Variants in MELK observed in about 807,000 individuals in gnomAD.
MELK encodes maternal embryonic leucine zipper kinase.
A neutral mutation model predicts 85.0 loss-of-function variants in MELK; 81 were observed. That is an observed-to-expected ratio of 0.95 (90% CI 0.80 to 1.15). The LOEUF is 1.15. Among genes scored for constraint, MELK ranks in the 50% most tolerant of loss-of-function variants. The probability of loss-of-function intolerance (pLI) is 0.00; values close to 1 mark genes in which losing one functional copy is unlikely to be tolerated. For missense variants in MELK, 754 were observed against 777.5 expected (o/e 0.97, Z 0.36); for synonymous variants, 252 against 265.0 (o/e 0.95, Z 0.48).
intron 5 of MELK, 74 bp downstream of exon 5, chr9:36,594,845 C>T: frequency 6.7e-7 from 1 of 1,500,314 alleles, no homozygotes; most frequent in Admixed American, 2.0e-5. Context: ...TACAAATGAT[C>T]TGATTAGGAA....
chr9:36,638,932 A>G (rs937667556), intron 10 of MELK, among the ~76,000 whole-genome samples: 7 of 152,206 alleles, frequency 4.6e-5, no homozygotes, highest in Non-Finnish European at 1.0e-4. Context: ...CTGGAATGGA[A>G]TGGATCTGAT....
chr9:36,638,083 C>T (rs1164460772), intron 10 of MELK, among the ~76,000 whole-genome samples: 1 of 152,128 alleles, frequency 6.6e-6, no homozygotes, highest in Non-Finnish European at 1.5e-5. Context: ...CATCATTTCT[C>T]CATGTGCGGA....
In MELK at chr9:36,633,102, G is replaced by T. The variant is rs751443564; in HGVS notation, c.736G>T (p.Val246Leu). 10 of 1,605,120 alleles carry T rather than the reference G, an allele frequency of 6.2e-6. No individual in the cohort carries two copies. In the South Asian group the frequency reaches 1.1e-4, roughly 18 times the overall value. Reference protein sequence around the residue: ...SILLLQQMLQVDPKKRISMKN... With the variant: ...SILLLQQMLQLDPKKRISMKN... ...CTAGCTACTTTTTAATGGCCACTAG[G>T]TGGACCCAAAGAAACGGATTTCTAT... Residue 246 changes from valine to leucine, a missense_variant and splice_region_variant, in exon 10 of 18, where the codon GTG becomes TTG. Transcript: ENST00000298048.
intron 5 of MELK, 38 bp downstream of exon 5, chr9:36,594,809 C>A: frequency 6.3e-7 from 1 of 1,576,544 alleles, no homozygotes; most frequent in South Asian, 1.2e-5. Flanking sequence ...TCACCTTCAG[C>A]GTCATTTACC....
intron 16 of MELK, among the ~76,000 whole-genome samples, chr9:36,672,618 G>T (rs1398635116): frequency 2.0e-5 from 3 of 152,074 alleles, no homozygotes; most frequent in East Asian, 3.9e-4. Flanking sequence ...CCAGCTTTGT[G>T]CTGTATAGCT....
At chr9:36,612,604 C>T (rs746570340) in intron 8 of MELK, among the ~76,000 whole-genome samples, 6 of 152,046 alleles carry the variant, frequency 3.9e-5, no homozygotes, top group Non-Finnish European at 8.8e-5. Flanking sequence ...AGGCTGGTCT[C>T]GAACTGACCT....
At position 36,641,284 on chromosome 9, in the gene MELK, C is replaced by T. The variant is rs150625657; in HGVS notation, c.835-1713C>T. 2.8e-3 allele frequency among the ~76,000 whole-genome samples: 426 copies of T among 152,260 alleles called. 1 individual carries two copies. Among genetic ancestry groups the T allele is most frequent in the African/African-American group, 9.7e-3 (404 of 41,544 alleles). ...TACTCTGTTGAGATGTTGTACTAGGCGCTTGCTCTATGTTGCATATATTGC... is the reference window on the plus strand; with the variant it reads ...TACTCTGTTGAGATGTTGTACTAGGTGCTTGCTCTATGTTGCATATATTGC... On this transcript the variant is annotated intron_variant, in intron 10 of 17. Coordinates refer to ENST00000298048, the MANE Select transcript of MELK (RefSeq NM_014791.4).
chr9:36,588,920 G>A (rs1369369669), intron 3 of MELK, among the ~76,000 whole-genome samples: 2 of 152,102 alleles, frequency 1.3e-5, no homozygotes, highest in African/African-American at 2.4e-5. Context: ...GGCTGAAAGT[G>A]GTAGCTCAGG....
Position 36,671,092 on chromosome 9 carries a change from T to C in MELK, c.1600T>C (p.Leu534=), listed in dbSNP as rs780493205. ...AGTGTTTGGGAGCCTTGAAAGGGGG[T>C]TGGATAAGGTTATCACTGTGCTCAC... ...AKVFGSLERG[L]DKVITVLTRS... The change falls in exon 16 of 18, where the codon TTG becomes CTG. Residue 534 remains leucine, a synonymous_variant. Transcript: ENST00000298048. 7.4e-6 allele frequency: 12 copies of C among 1,612,924 alleles called. No individual in the cohort carries two copies. The highest frequency in any genetic ancestry group is 1.7e-5 in the Admixed American group (1 of 59,870).
At chr9:36,633,577 G>A (rs916136467) in intron 10 of MELK, among the ~76,000 whole-genome samples, 4 of 152,120 alleles carry the variant, frequency 2.6e-5, no homozygotes, top group African/African-American at 7.2e-5. Context: ...GAAGTTATGA[G>A]GGTACAGTAG....
chr9:36,648,697 T>A (rs913311270), intron 11 of MELK, among the ~76,000 whole-genome samples: 1 of 152,190 alleles, frequency 6.6e-6, no homozygotes, highest in Non-Finnish European at 1.5e-5. Flanking sequence ...AAGATTTATC[T>A]CCAGGGAAAA....
intron 8 of MELK, among the ~76,000 whole-genome samples, chr9:36,612,936 A>G (rs977593021): frequency 1.3e-5 from 2 of 152,196 alleles, no homozygotes; most frequent in Non-Finnish European, 2.9e-5. Flanking sequence ...ATAACATTTA[A>G]CTAACATAGA....
At chr9:36,677,070 A>G (rs1477580192) in intron 17 of MELK, 90 bp from the exon 18 acceptor site, 3 of 1,125,376 alleles carry the variant, frequency 2.7e-6, no homozygotes, top group Non-Finnish European at 2.5e-6. Flanking sequence ...ATAATGGTTC[A>G]TTTCCTCCAC....
chr9:36,660,431 C>T (rs950893435), intron 13 of MELK, among the ~76,000 whole-genome samples: 2 of 152,050 alleles, frequency 1.3e-5, no homozygotes, highest in African/African-American at 4.8e-5. Flanking sequence ...AATTTTCTTG[C>T]CTCAGCCTCC....
chr9:36,589,757 T>TA, intron 4 of MELK, 105 bp downstream of exon 4: 2 of 797,464 alleles, frequency 2.5e-6, no homozygotes, highest in East Asian at 2.5e-5. Flanking sequence ...TTAAGCGACT[T>TA]ACCTGTTTTG....
chr9:36,589,474 T>C, intron 3 of MELK, 62 bp from the exon 4 acceptor site: 4 of 1,338,164 alleles, frequency 3.0e-6, no homozygotes, highest in Admixed American at 3.4e-5. Context: ...GCTGTTAGTA[T>C]TGGAGCTTGG....
rs1176722025 is a variant in MELK, at chr9:36,602,585, G to A, written c.567+3099G>A. Among the ~76,000 whole-genome samples the A allele has an allele frequency of 2.3e-5, 3 of 129,314 alleles. No homozygotes were observed. The Admixed American group carries it at 2.3e-4, about 10-fold the overall frequency. 84.8% of individuals were successfully genotyped at this position (129,314 alleles called of 152,430 possible). A position where few individuals can be genotyped will look rare whatever the true frequency, so the allele number is the denominator to read the frequency against. ...TTTTTTTTTTTTTTTTTGAGATGGAGTTTTGCTCTTGTTGACCAGGCTGGA... is the reference window on the plus strand; with the variant it reads ...TTTTTTTTTTTTTTTTTGAGATGGAATTTTGCTCTTGTTGACCAGGCTGGA... On this transcript the variant is annotated intron_variant, in intron 7 of 17. Coordinates refer to ENST00000298048, the MANE Select transcript of MELK (RefSeq NM_014791.4).
In MELK at chr9:36,590,063, AG is replaced by A. The variant is rs561424877; in HGVS notation, c.261+413del. Among the ~76,000 whole-genome samples the A allele has an allele frequency of 3.8e-3, 573 of 151,728 alleles. 5 individuals are homozygous for A. Among genetic ancestry groups the A allele is most frequent in the Middle Eastern group, 0.017 (5 of 294 alleles). On this transcript the variant is annotated intron_variant, in intron 4 of 17. Coordinates refer to ENST00000298048, the MANE Select transcript of MELK (RefSeq NM_014791.4). ...CAGCCTCCTGAGTAGCTGGGACTAC[AG>A]GCGCCCACCACCATGCCCGGCTAAT...
At chr9:36,621,536 C>T (rs769874533) in intron 8 of MELK, among the ~76,000 whole-genome samples, 10 of 152,146 alleles carry the variant, frequency 6.6e-5, no homozygotes, top group Non-Finnish European at 1.5e-4. Flanking sequence ...TAAGGTCACA[C>T]AGCTAGTAAG....
Sources: gnomAD v4.1 joint callset for allele counts (sites outside exome capture counted in the v4.1 genomes callset) on GRCh38, gnomAD v4.1.1 for gene constraint, MANE v1.5 for transcripts, NCBI Gene and HGNC (gene_info 2026-07-23, HGNC 2026-07-21) for gene names.